Variants in DNMT1 observed in about 807,000 individuals in gnomAD.
DNMT1 encodes DNA methyltransferase 1, also known as DNA (cytosine-5)-methyltransferase 1.
A neutral mutation model predicts 205.3 loss-of-function variants in DNMT1; 24 were observed. The observed-to-expected ratio is 0.12, with a 90% CI of 0.08 to 0.16. DNMT1 has a LOEUF of 0.16. DNMT1 is among the 10% of genes least tolerant of loss of function. DNMT1 has a pLI of 1.00. For missense variants in DNMT1, 1,293 were observed against 2,177.7 expected, an observed-to-expected ratio of 0.59 and a Z score of 8.09; for synonymous variants, 817 against 839.8, an observed-to-expected ratio of 0.97 and a Z score of 0.47.
In DNMT1 at chr19:10,149,987, G is replaced by A. The variant is rs1166971734; in HGVS notation, c.2266-19C>T. 6.2e-7 allele frequency: 1 copy of A among 1,605,792 alleles called. No homozygotes were observed. Among genetic ancestry groups the A allele is most frequent in the African/African-American group, 1.3e-5 (1 of 74,832 alleles). On this transcript the variant is annotated intron_variant, in intron 24 of 40. Transcript: ENST00000359526. ...CATCAGTCTGAAAATGAGAGCATAA[G>A]TTCATGGAGGATCATTCTGAGGGTC... is the stretch of plus-strand genomic sequence containing the variant.
At position 10,140,156 on chromosome 19, in the gene DNMT1, G is replaced by A. The variant is rs145657360; in HGVS notation, c.3696C>T (p.Asp1232=). The A allele has an allele frequency of 3.3e-5, 53 of 1,613,906 alleles. No individual in the cohort carries two copies. In the Middle Eastern group the frequency reaches 5.0e-4, roughly 15 times the overall value. Residue 1232 remains aspartate (D), a synonymous_variant, in exon 33 of 41, where the codon GAC becomes GAT. Transcript: ENST00000359526. This position sits in a 1 kb window ranked among gnomAD's most constrained non-coding sequence, Gnocchi z 8.4. ...GCGGCCCGCCGCACAGCATCTCCAC[G>A]TCTCCCTTCTGGGGCAGCCGCTGGC... is the stretch of plus-strand genomic sequence containing the variant. ...SRGQRLPQKG[D]VEMLCGGPPC...
intron 1 of DNMT1, among the ~76,000 whole-genome samples, chr19:10,191,061 C>T (rs1252194304): frequency 6.6e-6 from 1 of 150,516 alleles, no homozygotes; most frequent in South Asian, 2.1e-4. Flanking sequence ...TGCAGTGAGC[C>T]GAGATCACGG....
chr19:10,145,634 T>C (rs919720146), intron 28 of DNMT1, among the ~76,000 whole-genome samples: 2 of 152,178 alleles, frequency 1.3e-5, no homozygotes, highest in Non-Finnish European at 2.9e-5. Flanking sequence ...AAGTAACTCA[T>C]GTCCGTTAAA....
At chr19:10,134,586 G>T (rs2089438930) in intron 39 of DNMT1, among the ~76,000 whole-genome samples, 1 of 152,258 alleles carries the variant, frequency 6.6e-6, no homozygotes, top group Non-Finnish European at 1.5e-5. Flanking sequence ...GGGAGCAGTG[G>T]CTCACGCCTG....
Position 10,156,345 on chromosome 19 carries a change from C to T in DNMT1, c.1399+46G>A. 2 of 1,482,538 alleles carry T rather than the reference C, an allele frequency of 1.3e-6. No individual in the cohort carries two copies. Among genetic ancestry groups the T allele is most frequent in the South Asian group, 1.1e-5 (1 of 88,092 alleles). 91.8% of individuals were successfully genotyped at this position (1,482,538 alleles called of 1,614,324 possible). On this transcript the variant is annotated intron_variant, in intron 18 of 40. Coordinates refer to ENST00000359526, the MANE Select transcript of DNMT1 (RefSeq NM_001130823.3). The surrounding 1 kb of genome is among the most constrained non-coding windows in gnomAD (Gnocchi z 4.2). ...TACAGATGTGAGCCACCCTGCCTGG[C>T]TGTTTTTAAAGTGTGCCCCAAACAT... is the stretch of plus-strand genomic sequence containing the variant.
rs994653028 is a variant in DNMT1, at chr19:10,154,268, C to T, written c.2019+25G>A. The stretch of plus-strand genomic sequence containing the variant: ...CAGAGGCTGGGCCACCTTAGGGGAG[C>T]GGGAGCACCCACAGGTGAGGTTACC... On this transcript the variant is annotated intron_variant, in intron 22 of 40. Transcript: ENST00000359526. The surrounding 1 kb of genome is among the most constrained non-coding windows in gnomAD (Gnocchi z 6.3). The T allele has an allele frequency of 5.6e-6, 9 of 1,613,052 alleles. No individual in the cohort carries two copies. The highest frequency in any genetic ancestry group is 3.3e-5 in the South Asian group (3 of 91,048).
rs113873884 is a variant in DNMT1, at chr19:10,140,372, ATT to A, written c.3524-46_3524-45del. On this transcript the variant is annotated intron_variant, in intron 32 of 40. Coordinates refer to ENST00000359526, the MANE Select transcript of DNMT1 (RefSeq NM_001130823.3). This position sits in a 1 kb window ranked among gnomAD's most constrained non-coding sequence, Gnocchi z 8.4. Reference sequence around the variant, plus strand: ...AGCCATGCTTTCAACTCTCCAGAAGATTTTTTTTTTTTTTTGAGATGGAGTCT... The same window carrying A: ...AGCCATGCTTTCAACTCTCCAGAAGATTTTTTTTTTTTTGAGATGGAGTCT... 6.8e-4 allele frequency: 977 copies of A among 1,432,998 alleles called. No homozygotes were observed. The highest frequency in any genetic ancestry group is 7.9e-4 in the Admixed American group (42 of 52,870). The allele number at this position is 1,432,998 out of a possible 1,614,324, so 88.8% of individuals were successfully genotyped here. A position where few individuals can be genotyped will look rare whatever the true frequency, so the allele number is the denominator to read the frequency against.
chr19:10,149,035 C>A lies in DNMT1; in HGVS notation c.2587-18G>T, dbSNP rs761123463. ...ATGCCTCCCTTGGGAGATAAGAATG[C>A]GTGTCAGGCCAGGCGCAGTGGCTCA... On this transcript the variant is annotated intron_variant, in intron 26 of 40. Transcript: ENST00000359526. The A allele has an allele frequency of 1.9e-6, 3 of 1,613,452 alleles. No homozygotes were observed. The East Asian group carries it at 6.7e-5, about 36-fold the overall frequency.
intron 6 of DNMT1, among the ~76,000 whole-genome samples, chr19:10,176,748 CTCA>C (rs961628381): frequency 6.6e-6 from 1 of 152,054 alleles, no homozygotes; most frequent in Non-Finnish European, 1.5e-5. Flanking sequence ...ATCCCAGATA[CTCA>C]GGAGGCTGAG....
Position 10,156,216 on chromosome 19 carries a change from T to C in DNMT1, c.1399+175A>G, listed in dbSNP as rs1568235753. Among the ~76,000 whole-genome samples, 1 of 151,146 alleles carries C rather than the reference T, an allele frequency of 6.6e-6. No individual in the cohort carries two copies. Among genetic ancestry groups the C allele is most frequent in the African/African-American group, 2.4e-5 (1 of 41,158 alleles). ...ATGTATACTATATATATATGCTATA[T>C]ATTTTTTTTTAATAGAGGCAGGCTC... On this transcript the variant is annotated intron_variant, in intron 18 of 40. Transcript: ENST00000359526. The surrounding 1 kb of genome is among the most constrained non-coding windows in gnomAD (Gnocchi z 4.2).
chr19:10,145,491 A>C (rs1418082979), intron 28 of DNMT1, among the ~76,000 whole-genome samples: 2 of 152,200 alleles, frequency 1.3e-5, no homozygotes, highest in African/African-American at 4.8e-5. Flanking sequence ...CTGTAATTCC[A>C]ACCACACGCT....
At chr19:10,162,646 A>C (rs201827207) in intron 13 of DNMT1, 21 bp downstream of exon 13, 41 of 1,592,424 alleles carry the variant, frequency 2.6e-5, no homozygotes, top group Non-Finnish European at 9.4e-6. Flanking sequence ...AAAAAGAAAG[A>C]AAGAAAAGTG....
In DNMT1 at chr19:10,180,343, C is replaced by G; in HGVS notation, c.445+7G>C. 1 of 1,610,236 alleles carries G rather than the reference C, an allele frequency of 6.2e-7. No individual in the cohort carries two copies. Among genetic ancestry groups the G allele is most frequent in the Non-Finnish European group, 8.5e-7 (1 of 1,179,996 alleles). On this transcript the variant is annotated splice_region_variant and intron_variant, in intron 4 of 40. Coordinates refer to ENST00000359526, the MANE Select transcript of DNMT1 (RefSeq NM_001130823.3). ...AATTAAAAATAAAAGGAATCATCTG[C>G]TCTTACGCTTAGCCTCTCCATCGGA...
intron 9 of DNMT1, among the ~76,000 whole-genome samples, chr19:10,171,649 CAA>C (rs1207589880): frequency 2.0e-5 from 3 of 151,988 alleles, no homozygotes; most frequent in African/African-American, 7.2e-5. Flanking sequence ...ACTAAAAATA[CAA>C]AAAATTAGCC....
At chr19:10,135,990 C>A in intron 38 of DNMT1, 131 bp downstream of exon 38, 8 of 1,496,470 alleles carry the variant, frequency 5.3e-6, no homozygotes, top group Admixed American at 2.0e-5. Flanking sequence ...CGTGGAGGGG[C>A]AGGAGGCAGA....
intron 9 of DNMT1, 82 bp downstream of exon 9, chr19:10,173,008 C>G (rs80026830): frequency 1.1e-4 from 168 of 1,529,878 alleles, no homozygotes; most frequent in Admixed American, 5.3e-4. Flanking sequence ...TTCCCCACCC[C>G]CTGTCCCCAC....
chr19:10,163,473 T>C, intron 11 of DNMT1, 113 bp from the exon 12 acceptor site: 5 of 1,123,614 alleles, frequency 4.4e-6, no homozygotes, highest in South Asian at 2.5e-5. Context: ...ATCCCAGCAC[T>C]GTGGAGCTGG....
intron 7 of DNMT1, 139 bp from the exon 8 acceptor site, chr19:10,174,044 G>A: frequency 1.2e-6 from 1 of 860,062 alleles, no homozygotes. Context: ...CTGGGTTTTG[G>A]GGAGAAGATC....
chr19:10,192,557 T>C (rs1021725984), intron 1 of DNMT1, among the ~76,000 whole-genome samples: 5 of 150,604 alleles, frequency 3.3e-5, no homozygotes, highest in African/African-American at 1.2e-4. Context: ...AGGCCAGGAA[T>C]CGAAGACCAG....
Sources: allele counts gnomAD v4.1 joint callset (sites outside exome capture counted in the v4.1 genomes callset), GRCh38; gene constraint gnomAD v4.1.1; non-coding constraint Gnocchi (gnomAD v3.1); transcripts MANE v1.5; gene names NCBI Gene and HGNC (gene_info 2026-07-23, HGNC 2026-07-21).